Variants in PHF24 observed in about 807,000 individuals in gnomAD.
PHF24 encodes the protein PHD finger protein 24, also known as Galpha inhibitory interacting protein.
Under a neutral mutation model 42.6 loss-of-function variants are expected in PHF24, and 25 were observed. The observed-to-expected ratio is 0.59, with a 90% CI of 0.43 to 0.82. The LOEUF (loss-of-function observed/expected upper bound fraction) is 0.82. PHF24 is among the 40% of genes least tolerant of loss of function. PHF24 has a pLI of 0.00. For synonymous variants in PHF24, 185 were observed against 204.8 expected (o/e 0.90, Z 0.83); for missense variants, 470 against 538.1 (o/e 0.87, Z 1.25).
chr9:34,929,126 C>T, the PHF24 span, among the ~76,000 whole-genome samples: 1 of 152,192 alleles, frequency 6.6e-6, no homozygotes, highest in Non-Finnish European at 1.5e-5. Context: ...GATCTCAGGT[C>T]ACCCTTCTCC....
At chr9:34,729,882 G>C in the PHF24 span, among the ~76,000 whole-genome samples, 10 of 152,328 alleles carry the variant, frequency 6.6e-5, no homozygotes, top group East Asian at 1.9e-3. Context: ...CATGAATTTA[G>C]GGAGGGCGGA....
At chr9:34,922,083 A>G in the PHF24 span, 1 of 1,066,780 alleles carries the variant, frequency 9.4e-7, no homozygotes. Context: ...AGTAACATAA[A>G]CCTGTCATAA....
chr9:34,912,917 G>C, the PHF24 span, among the ~76,000 whole-genome samples: 6 of 152,156 alleles, frequency 3.9e-5, no homozygotes, highest in Admixed American at 3.9e-4. Flanking sequence ...TGGCTATTAT[G>C]TGCATCTTCC....
intron 1 of PHF24, among the ~76,000 whole-genome samples, chr9:34,959,799 G>A (rs1563925225): frequency 1.3e-5 from 2 of 152,168 alleles, no homozygotes; most frequent in South Asian, 4.1e-4. Context: ...ACCCTTCTGC[G>A]GATGGAGTGT....
chr9:34,947,786 T>C, the PHF24 span, among the ~76,000 whole-genome samples: 2 of 151,994 alleles, frequency 1.3e-5, no homozygotes, highest in Non-Finnish European at 2.9e-5. Flanking sequence ...AAGAAAAAAG[T>C]TTAAAAAGTT....
At chr9:34,964,514 C>CAT (rs1368770467) in intron 1 of PHF24, among the ~76,000 whole-genome samples, 1 of 152,240 alleles carries the variant, frequency 6.6e-6, no homozygotes, top group African/African-American at 2.4e-5. Flanking sequence ...AATCTTTATA[C>CAT]AGAGTGCTGG....
At chr9:34,711,497 T>G in the PHF24 span, among the ~76,000 whole-genome samples, 1 of 151,514 alleles carries the variant, frequency 6.6e-6, no homozygotes, top group Non-Finnish European at 1.5e-5. Flanking sequence ...CCTCCCAAAG[T>G]AATGGGATTA....
the PHF24 span, among the ~76,000 whole-genome samples, chr9:34,855,592 G>A: frequency 6.6e-6 from 1 of 152,162 alleles, no homozygotes; most frequent in African/African-American, 2.4e-5. Context: ...TAAGAATGTT[G>A]AATATTGGCC....
the PHF24 span, among the ~76,000 whole-genome samples, chr9:34,937,042 C>CG: frequency 8.7e-5 from 11 of 126,428 alleles, no homozygotes; most frequent in East Asian, 2.7e-4. Context: ...CAGCCCCCCC[C>CG]CCGGGCCAGC....
At chr9:34,917,628 C>T in the PHF24 span, 2 of 776,554 alleles carry the variant, frequency 2.6e-6, no homozygotes, top group South Asian at 2.7e-5. Context: ...GGTTGGCCTT[C>T]CAGTGGCTTC....
the PHF24 span, among the ~76,000 whole-genome samples, chr9:34,804,575 A>C: frequency 6.6e-6 from 1 of 152,158 alleles, no homozygotes; most frequent in Non-Finnish European, 1.5e-5. Context: ...TTAAATCCTC[A>C]TTTCATAGAT....
chr9:34,698,996 C>T, the PHF24 span, among the ~76,000 whole-genome samples: 1 of 152,204 alleles, frequency 6.6e-6, no homozygotes, highest in Non-Finnish European at 1.5e-5. Context: ...AAAAGCAGCT[C>T]TTGATAGGCC....
At chr9:34,949,689 G>A in the PHF24 span, among the ~76,000 whole-genome samples, 108 of 152,294 alleles carry the variant, frequency 7.1e-4, no homozygotes, top group South Asian at 0.017. Flanking sequence ...ATGAGTTCGT[G>A]TCCTTTGCAG....
the PHF24 span, among the ~76,000 whole-genome samples, chr9:34,787,645 C>T: frequency 6.6e-6 from 1 of 152,216 alleles, no homozygotes; most frequent in Admixed American, 6.5e-5. Context: ...CAGTGATCTG[C>T]TCCACCCCAG....
At chr9:34,922,685 G>A in the PHF24 span, 78 of 1,336,322 alleles carry the variant, frequency 5.8e-5, no homozygotes, top group Admixed American at 3.0e-4. Context: ...GTATTCTTGA[G>A]CCATCTGCTG....
the PHF24 span, among the ~76,000 whole-genome samples, chr9:34,870,712 T>C: frequency 6.6e-6 from 1 of 152,026 alleles, no homozygotes; most frequent in South Asian, 2.1e-4. Context: ...GGACCACAGG[T>C]GCACACCACT....
chr9:34,835,807 A>G, the PHF24 span: 2 of 1,515,784 alleles, frequency 1.3e-6, no homozygotes, highest in South Asian at 1.2e-5. Flanking sequence ...TATAGATGCC[A>G]GTGAAAGCTC....
At chr9:34,825,025 T>TG in the PHF24 span, among the ~76,000 whole-genome samples, 1 of 152,124 alleles carries the variant, frequency 6.6e-6, no homozygotes, top group Admixed American at 6.5e-5. Flanking sequence ...GGTGGGATTG[T>TG]GGTTAACATA....
At chr9:34,811,444 C>T in the PHF24 span, among the ~76,000 whole-genome samples, 26 of 152,272 alleles carry the variant, frequency 1.7e-4, no homozygotes, top group Admixed American at 9.8e-4. Flanking sequence ...GTTATAAGAG[C>T]GAGTTTGGCT....
Sources: gnomAD v4.1 joint callset for allele counts (sites outside exome capture counted in the v4.1 genomes callset) on GRCh38, gnomAD v4.1.1 for gene constraint, MANE v1.5 for transcripts, NCBI Gene and HGNC (gene_info 2026-07-23, HGNC 2026-07-21) for gene names.